Variants in SMNDC1 observed in about 807,000 individuals in gnomAD.
SMNDC1 encodes the protein survival of motor neuron-related-splicing factor 30.
A neutral mutation model predicts 29.2 loss-of-function variants in SMNDC1; 5 were observed. The ratio of observed to expected loss-of-function variants is 0.17; its 90% CI spans 0.09 to 0.36. SMNDC1 has a LOEUF of 0.36. Among genes scored for constraint, SMNDC1 ranks in the 10% least tolerant of loss-of-function variants. The pLI is 1.00. For synonymous variants in SMNDC1, 80 were observed against 89.9 expected, an observed-to-expected ratio of 0.89 and a Z score of 0.62; for missense variants, 142 against 268.5, an observed-to-expected ratio of 0.53 and a Z score of 3.29.
At position 110,299,955 on chromosome 10, in the gene SMNDC1, T is replaced by G. The variant is rs535825804; in HGVS notation, c.121-1165A>C. On this transcript the variant is annotated intron_variant, in intron 2 of 5. Transcript: ENST00000369603. Reference sequence around the variant, plus strand: ...AAAAATTTAGTAGGAATAATATCTCTAAGTTTTATTAGTTGCCAACTAGCC... The same window carrying G: ...AAAAATTTAGTAGGAATAATATCTCGAAGTTTTATTAGTTGCCAACTAGCC... Among the ~76,000 whole-genome samples, 6 of 152,352 alleles carry G rather than the reference T, an allele frequency of 3.9e-5. No individual in the cohort carries two copies. In the South Asian group the frequency reaches 1.2e-3, roughly 32 times the overall value.
In SMNDC1 at chr10:110,293,377, C is replaced by G. The variant is rs1020796569; in HGVS notation, c.*773G>C. 3 of 152,594 alleles carry G rather than the reference C, an allele frequency of 2.0e-5. No individual in the cohort carries two copies. Among genetic ancestry groups the G allele is most frequent in the Non-Finnish European group, 4.4e-5 (3 of 68,022 alleles). 9.5% of individuals were successfully genotyped at this position (152,594 alleles called of 1,614,324 possible). On this transcript the variant is annotated 3_prime_UTR_variant, in exon 6 of 6. Coordinates refer to ENST00000369603, the MANE Select transcript of SMNDC1 (RefSeq NM_005871.4). ...CCTTGTGTTTTTACAAAAATAGTATCTACACTGTATACAGGGCTATACATC... is the reference window on the plus strand; with the variant it reads ...CCTTGTGTTTTTACAAAAATAGTATGTACACTGTATACAGGGCTATACATC...
At chr10:110,298,363 A>G (rs185643356) in intron 3 of SMNDC1, among the ~76,000 whole-genome samples, 34 of 152,300 alleles carry the variant, frequency 2.2e-4, no homozygotes, top group Admixed American at 2.1e-3. Flanking sequence ...CCATTCACTC[A>G]ATTTTCAATT....
At chr10:110,297,262 G>T (rs960835725) in intron 4 of SMNDC1, among the ~76,000 whole-genome samples, 1 of 152,092 alleles carries the variant, frequency 6.6e-6, no homozygotes, top group East Asian at 1.9e-4. Context: ...AACTCAGTTG[G>T]GACAAGGCCT....
At chr10:110,296,782 C>T (rs1857567593) in intron 4 of SMNDC1, among the ~76,000 whole-genome samples, 1 of 152,200 alleles carries the variant, frequency 6.6e-6, no homozygotes, top group Non-Finnish European at 1.5e-5. Flanking sequence ...CTAATCTCTT[C>T]TCAGACCACC....
chr10:110,299,788 G>A (rs1376439654), intron 2 of SMNDC1, among the ~76,000 whole-genome samples: 3 of 152,080 alleles, frequency 2.0e-5, no homozygotes, highest in Non-Finnish European at 4.4e-5. Flanking sequence ...GATTCCAGTA[G>A]CCAAGAAAGT....
intron 2 of SMNDC1, among the ~76,000 whole-genome samples, chr10:110,302,152 C>T (rs1159557775): frequency 6.6e-6 from 1 of 152,152 alleles, no homozygotes; most frequent in African/African-American, 2.4e-5. Context: ...AATAAGAGGT[C>T]GGTGTGCCTC....
chr10:110,297,924 A>G (rs1330445010), intron 3 of SMNDC1, among the ~76,000 whole-genome samples, 196 bp from the exon 4 acceptor site: 1 of 152,176 alleles, frequency 6.6e-6, no homozygotes, highest in East Asian at 1.9e-4. Flanking sequence ...CCCAATCATA[A>G]TATTGCTGGG....
At chr10:110,295,463 A>C in intron 4 of SMNDC1, 82 bp from the exon 5 acceptor site, 1 of 1,067,628 alleles carries the variant, frequency 9.4e-7, no homozygotes, top group Non-Finnish European at 1.3e-6. Flanking sequence ...CAGTGCAAAA[A>C]AAAAATCTAA....
rs1394498265 is a variant in SMNDC1, at chr10:110,293,090, A to T, written c.*1060T>A. 1 of 152,412 alleles carries T rather than the reference A, an allele frequency of 6.6e-6. No homozygotes were observed. The highest frequency in any genetic ancestry group is 1.5e-5 in the Non-Finnish European group (1 of 68,034). 9.4% of individuals were successfully genotyped at this position (152,412 alleles called of 1,614,324 possible). ...AATAAAAGTTAAACATACAAAACTG[A>T]AATAATACACATCCTAAAAATTACC... is the stretch of plus-strand genomic sequence containing the variant. On this transcript the variant is annotated 3_prime_UTR_variant, in exon 6 of 6. Coordinates refer to ENST00000369603, the MANE Select transcript of SMNDC1 (RefSeq NM_005871.4).
At position 110,298,673 on chromosome 10, in the gene SMNDC1, T is replaced by G. The variant is rs1412562844; in HGVS notation, c.238A>C (p.Met80Leu). ...TGTCCATCTTCACTCCAGACTGCCA[T>G]ACACTTGTCTCCTACTTTCCATGAA... ...THSWKVGDKC[M>L]AVWSEDGQCY... is the part of the protein sequence containing the mutation. The change falls in exon 3 of 6, where the codon ATG becomes CTG. Residue 80 changes from methionine to leucine, a missense_variant. Transcript: ENST00000369603. 1 of 1,613,510 alleles carries G rather than the reference T, an allele frequency of 6.2e-7. No individual in the cohort carries two copies. Among genetic ancestry groups the G allele is most frequent in the Non-Finnish European group, 8.5e-7 (1 of 1,179,692 alleles).
intron 3 of SMNDC1, 95 bp downstream of exon 3, chr10:110,298,553 A>G: frequency 9.8e-7 from 1 of 1,023,974 alleles, no homozygotes; most frequent in Non-Finnish European, 1.4e-6. Context: ...ATAGAAGTCA[A>G]GATTAAAATA....
In SMNDC1 at chr10:110,294,249, A is replaced by T; in HGVS notation, c.618T>A (p.Thr206=). 1 of 1,607,930 alleles carries T rather than the reference A, an allele frequency of 6.2e-7. No individual in the cohort carries two copies. Residue 206 remains threonine, a synonymous_variant, in exon 6 of 6, where the codon ACT becomes ACA. Coordinates refer to ENST00000369603, the MANE Select transcript of SMNDC1 (RefSeq NM_005871.4). ...CACAGGTTCCTACTCCAACTTTACCAGTCACACTCTCAGGTGAAGCAAAAA... is the reference window on the plus strand; with the variant it reads ...CACAGGTTCCTACTCCAACTTTACCTGTCACACTCTCAGGTGAAGCAAAAA... ...RSIFASPESV[T]GKVGVGTCGI...
At chr10:110,295,417 C>T (rs778531340) in intron 4 of SMNDC1, 36 bp from the exon 5 acceptor site, 2 of 1,526,582 alleles carry the variant, frequency 1.3e-6, no homozygotes, top group Non-Finnish European at 1.8e-6. Context: ...ACTGTTAAGA[C>T]TTATCATACA....
chr10:110,293,338 G>A lies in SMNDC1; in HGVS notation c.*812C>T, dbSNP rs1857520843. 6.6e-6 allele frequency: 1 copy of A among 152,510 alleles called. No individual in the cohort carries two copies. 9.4% of individuals were successfully genotyped at this position (152,510 alleles called of 1,614,324 possible). A position where few individuals can be genotyped will look rare whatever the true frequency, so the allele number is the denominator to read the frequency against. On this transcript the variant is annotated 3_prime_UTR_variant, in exon 6 of 6. Transcript: ENST00000369603. Reference sequence around the variant, plus strand: ...TAATGATGAAATATTCAGTATTCTTGTTCATTAATTTAGCCTTGTGTTTTT... The same window carrying A: ...TAATGATGAAATATTCAGTATTCTTATTCATTAATTTAGCCTTGTGTTTTT...
chr10:110,302,970 CTT>C (rs1857676657), intron 2 of SMNDC1, among the ~76,000 whole-genome samples: 1 of 152,060 alleles, frequency 6.6e-6, no homozygotes. Flanking sequence ...ACTTGTCTCT[CTT>C]TAGGCATTTT....
At chr10:110,295,465 A>T (rs1209542012) in intron 4 of SMNDC1, 84 bp from the exon 5 acceptor site, 6 of 1,016,876 alleles carry the variant, frequency 5.9e-6, no homozygotes, top group Non-Finnish European at 8.3e-6. Context: ...GTGCAAAAAA[A>T]AAATCTAATA....
Position 110,294,085 on chromosome 10 carries a change from A to C in SMNDC1, c.*65T>G. On this transcript the variant is annotated 3_prime_UTR_variant, in exon 6 of 6. Coordinates refer to ENST00000369603, the MANE Select transcript of SMNDC1 (RefSeq NM_005871.4). ...CATCTAACAAATAATTTACCTTTAGAAAAATATAAGGATAAAAAGGTAAAT... is the reference window on the plus strand; with the variant it reads ...CATCTAACAAATAATTTACCTTTAGCAAAATATAAGGATAAAAAGGTAAAT... 1 of 1,304,972 alleles carries C rather than the reference A, an allele frequency of 7.7e-7. No individual in the cohort carries two copies. Among genetic ancestry groups the C allele is most frequent in the Non-Finnish European group, 1.0e-6 (1 of 981,580 alleles). 80.8% of individuals were successfully genotyped at this position (1,304,972 alleles called of 1,614,324 possible). A position where few individuals can be genotyped will look rare whatever the true frequency, so the allele number is the denominator to read the frequency against.
At chr10:110,303,348 C>T in intron 2 of SMNDC1, 120 bp downstream of exon 2, 1 of 807,308 alleles carries the variant, frequency 1.2e-6, no homozygotes, top group South Asian at 2.3e-5. Context: ...ATGGTACCTA[C>T]AGAATTTACA....
chr10:110,293,578 C>A lies in SMNDC1; in HGVS notation c.*572G>T, dbSNP rs1045973912. 1.3e-5 allele frequency: 2 copies of A among 152,132 alleles called. No individual in the cohort carries two copies. The highest frequency in any genetic ancestry group is 4.8e-5 in the African/African-American group (2 of 41,442). The allele number at this position is 152,132 out of a possible 1,614,324, so 9.4% of individuals were successfully genotyped here. On this transcript the variant is annotated 3_prime_UTR_variant, in exon 6 of 6. Transcript: ENST00000369603. ...CTAAGAGTACATAAAAATAAAACAG[C>A]TAGATCAATTTTAGAGATGGCCTAA...
Sources: gnomAD v4.1 joint callset for allele counts (sites outside exome capture counted in the v4.1 genomes callset) on GRCh38, gnomAD v4.1.1 for gene constraint, MANE v1.5 for transcripts, NCBI Gene and HGNC (gene_info 2026-07-23, HGNC 2026-07-21) for gene names.